DPY19L2: variants seen among roughly 807,000 people sequenced by gnomAD.
DPY19L2 encodes probable C-mannosyltransferase DPY19L2.
Under a neutral mutation model 97.9 loss-of-function variants are expected in DPY19L2, and 34 were observed. That is an observed-to-expected ratio of 0.35 (90% CI 0.26 to 0.46). The LOEUF (loss-of-function observed/expected upper bound fraction) is 0.46, where lower values mean the gene tolerates loss of function less well. Ranked by LOEUF, DPY19L2 falls within the 20% of genes least tolerant of loss-of-function variation. The probability of loss-of-function intolerance (pLI) is 1.00; values close to 1 mark genes in which losing one functional copy is unlikely to be tolerated. For missense variants in DPY19L2, 623 were observed against 911.4 expected (o/e 0.68, Z 4.07); for synonymous variants, 230 against 307.9 (o/e 0.75, Z 2.65).
In DPY19L2 at chr12:63,647,346, T is replaced by A. The variant is rs1893547729; in HGVS notation, c.608A>T (p.Tyr203Phe). Residue 203 changes from tyrosine (Y) to phenylalanine (F), a missense_variant, in exon 5 of 22, where the codon TAT becomes TTT. Transcript: ENST00000324472. ...LYPEVIIASW[Y>F]CTFMGIMNLF... ...ATTCATTATTCCCATGAATGTGCAA[T>A]ACCAGGAGGCTATGATTACCTTAAA... 2 of 1,581,500 alleles carry A rather than the reference T, an allele frequency of 1.3e-6. No individual in the cohort carries two copies. The highest frequency in any genetic ancestry group is 1.2e-5 in the South Asian group (1 of 86,192).
intron 19 of DPY19L2, among the ~76,000 whole-genome samples, chr12:63,578,170 TGGAACTGGA>T (rs796618562): frequency 6.7e-4 from 102 of 152,238 alleles, no homozygotes; most frequent in African/African-American, 2.3e-3. Flanking sequence ...ATAACATGGA[TGGAACTGGA>T]GGTCATTACA....
intron 20 of DPY19L2, among the ~76,000 whole-genome samples, chr12:63,570,258 C>G (rs575530034): frequency 6.6e-6 from 1 of 152,246 alleles, no homozygotes; most frequent in African/African-American, 2.4e-5. Flanking sequence ...AGTAAAAATA[C>G]TCTAAATTTT....
chr12:63,588,954 C>T (rs2016988268), intron 16 of DPY19L2, among the ~76,000 whole-genome samples: 1 of 151,800 alleles, frequency 6.6e-6, no homozygotes, highest in South Asian at 2.1e-4. Context: ...GGGGTTTCAC[C>T]ATGTTAGCCA....
chr12:63,639,276 G>A (rs1379339386), intron 6 of DPY19L2, among the ~76,000 whole-genome samples: 3 of 151,938 alleles, frequency 2.0e-5, no homozygotes, highest in Admixed American at 6.6e-5. Context: ...GGCCATTCAG[G>A]ACATAGGCAT....
At chr12:63,575,102 A>G (rs1481023323) in intron 19 of DPY19L2, among the ~76,000 whole-genome samples, 2 of 150,570 alleles carry the variant, frequency 1.3e-5, no homozygotes, top group African/African-American at 4.9e-5. Flanking sequence ...TTAAAAATTG[A>G]GACAATATAA....
chr12:63,624,112 G>T lies in DPY19L2; in HGVS notation c.881C>A (p.Thr294Lys). Reference protein sequence around the residue: ...NHGEATRVMWTPPLRESFSYP... With the variant: ...NHGEATRVMWKPPLRESFSYP... ...GGAAAAACTTTCACGGAGAGGTGGTGTCCACATCACACGGGTGGCCTGAAA... is the reference window on the plus strand; with the variant it reads ...GGAAAAACTTTCACGGAGAGGTGGTTTCCACATCACACGGGTGGCCTGAAA... The change falls in exon 8 of 22, where the codon ACA becomes AAA. Residue 294 changes from threonine (T) to lysine (K), a missense_variant. This residue lies in a region of DPY19L2 where 67 missense variants were observed against 88.0 expected (regional missense o/e 0.76). Transcript: ENST00000324472. 6.2e-7 allele frequency: 1 copy of T among 1,611,542 alleles called. No homozygotes were observed. The highest frequency in any genetic ancestry group is 1.1e-5 in the South Asian group (1 of 90,968).
chr12:63,639,464 A>T (rs1206348853), intron 6 of DPY19L2, among the ~76,000 whole-genome samples: 98 of 152,282 alleles, frequency 6.4e-4, no homozygotes, highest in Non-Finnish European at 1.2e-3. Flanking sequence ...ACAAAGGGCT[A>T]ATATCCAGAA....
At chr12:63,624,356 C>T (rs1040878150) in intron 7 of DPY19L2, among the ~76,000 whole-genome samples, 3 of 151,826 alleles carry the variant, frequency 2.0e-5, no homozygotes, top group Non-Finnish European at 4.4e-5. Flanking sequence ...TATATCAGAC[C>T]GAGCAAAAGG....
At chr12:63,636,350 T>C (rs1034136790) in intron 6 of DPY19L2, among the ~76,000 whole-genome samples, 1 of 152,148 alleles carries the variant, frequency 6.6e-6, no homozygotes, top group African/African-American at 2.4e-5. Flanking sequence ...CCATCGATGC[T>C]AGGAAGCAAC....
At chr12:63,591,728 A>T (rs1458939641) in intron 16 of DPY19L2, among the ~76,000 whole-genome samples, 2 of 151,570 alleles carry the variant, frequency 1.3e-5, no homozygotes, top group Non-Finnish European at 1.5e-5. Flanking sequence ...TGAAAGTTAA[A>T]AAAGAAAGAA....
chr12:63,635,352 A>T (rs530747139), intron 6 of DPY19L2, among the ~76,000 whole-genome samples: 2 of 152,190 alleles, frequency 1.3e-5, no homozygotes, highest in Admixed American at 1.3e-4. Flanking sequence ...AAAAAAGCTG[A>T]AAATTCTAAA....
rs116094761 is a variant in DPY19L2 at position 63,616,050 on chromosome 12, G to A, written c.1218+1254C>T. 8.9e-3 allele frequency among the ~76,000 whole-genome samples: 1,360 copies of A among 152,166 alleles called. 6 individuals are homozygous for A. The highest frequency in any genetic ancestry group is 0.031 in the African/African-American group (1,278 of 41,466). On this transcript the variant is annotated intron_variant, in intron 11 of 21. Coordinates refer to ENST00000324472, the MANE Select transcript of DPY19L2 (RefSeq NM_173812.5). Reference sequence around the variant, plus strand: ...ATAAGTAACCTAGAGATGATTTAAAGTATATAGGAAGATGTACATAGATTA... The same window carrying A: ...ATAAGTAACCTAGAGATGATTTAAAATATATAGGAAGATGTACATAGATTA...
intron 16 of DPY19L2, chr12:63,591,144 T>C (rs1369000386): frequency 4.4e-6 from 2 of 455,350 alleles, no homozygotes; most frequent in East Asian, 6.9e-5. Flanking sequence ...CAATATAGAA[T>C]GGTTCTATTA....
intron 4 of DPY19L2, among the ~76,000 whole-genome samples, chr12:63,653,171 G>C (rs1894499779): frequency 6.6e-6 from 1 of 152,046 alleles, no homozygotes. Context: ...AACAGCCCTA[G>C]GGACCTGTGG....
At chr12:63,578,897 G>C (rs1880369628) in intron 19 of DPY19L2, among the ~76,000 whole-genome samples, 1 of 151,980 alleles carries the variant, frequency 6.6e-6, no homozygotes. Context: ...GCATCTTGTA[G>C]ATAGAGGCCA....
chr12:63,603,615 T>C (rs746719653), intron 12 of DPY19L2, among the ~76,000 whole-genome samples: 2 of 152,140 alleles, frequency 1.3e-5, no homozygotes, highest in Non-Finnish European at 2.9e-5. Context: ...AGTGAGAACA[T>C]GCAGTGTTTG....
intron 11 of DPY19L2, among the ~76,000 whole-genome samples, chr12:63,614,939 C>T (rs11175070): frequency 0.26 from 38,763 of 151,812 alleles, 5,828 homozygotes; most frequent in African/African-American, 0.42. Context: ...GTAAAGGCAA[C>T]GAGGGTGCCT....
At chr12:63,662,157 C>G (rs1895759424) in intron 3 of DPY19L2, among the ~76,000 whole-genome samples, 1 of 152,150 alleles carries the variant, frequency 6.6e-6, no homozygotes, top group African/African-American at 2.4e-5. Context: ...GGATTAACAA[C>G]AGCATATTGT....
At chr12:63,635,523 A>T (rs1043002634) in intron 6 of DPY19L2, among the ~76,000 whole-genome samples, 1 of 152,100 alleles carries the variant, frequency 6.6e-6, no homozygotes, top group African/African-American at 2.4e-5. Flanking sequence ...CATCGCAAAG[A>T]AGCTAAAAAC....
Sources: gnomAD v4.1 joint callset for allele counts (sites outside exome capture counted in the v4.1 genomes callset) on GRCh38, gnomAD v4.1.1 for gene constraint, gnomAD v4.1.1 regional missense constraint, MANE v1.5 for transcripts, NCBI Gene and HGNC (gene_info 2026-07-23, HGNC 2026-07-21) for gene names.